HUNK: variants seen among roughly 807,000 people sequenced by gnomAD.
HUNK encodes the protein hormonally up-regulated neu tumor-associated kinase.
In HUNK, 21 loss-of-function variants were observed where a neutral mutation model predicts 61.0. That is an observed-to-expected ratio of 0.34 (90% CI 0.24 to 0.50). The LOEUF (loss-of-function observed/expected upper bound fraction) is 0.50, where lower values mean the gene tolerates loss of function less well. Among genes scored for constraint, HUNK ranks in the 20% least tolerant of loss-of-function variants. The pLI is 0.98. For missense variants in HUNK, 772 were observed against 945.7 expected (o/e 0.82, Z 2.41); for synonymous variants, 371 against 386.1 (o/e 0.96, Z 0.46).
chr21:31,908,250 C>A (rs867953093), intron 1 of HUNK, among the ~76,000 whole-genome samples: 1 of 151,568 alleles, frequency 6.6e-6, no homozygotes, highest in Non-Finnish European at 1.5e-5. Flanking sequence ...GGAGTGGGGG[C>A]GTGCTGGCAG....
chr21:31,907,294 A>G (rs1568922039), intron 1 of HUNK, among the ~76,000 whole-genome samples: 1 of 152,238 alleles, frequency 6.6e-6, no homozygotes, highest in Non-Finnish European at 1.5e-5. Context: ...TCTCCTTAAG[A>G]ATTTCAAAAT....
At chr21:31,888,597 G>A (rs775707678) in intron 1 of HUNK, among the ~76,000 whole-genome samples, 1 of 152,046 alleles carries the variant, frequency 6.6e-6, no homozygotes, top group African/African-American at 2.4e-5. Flanking sequence ...TTAGCCAGGC[G>A]TGCATGGTGG....
intron 7 of HUNK, among the ~76,000 whole-genome samples, chr21:31,977,585 A>G (rs749449308): frequency 2.1e-4 from 32 of 152,220 alleles, no homozygotes; most frequent in Non-Finnish European, 4.0e-4. Flanking sequence ...TTACTTCCAC[A>G]TTTAGAGATA....
At chr21:31,923,519 G>GGAGGA (rs2052637208) in intron 1 of HUNK, among the ~76,000 whole-genome samples, 2 of 129,226 alleles carry the variant, frequency 1.5e-5, no homozygotes, top group African/African-American at 5.4e-5. Flanking sequence ...GAGAGGGAAG[G>GGAGGA]AGGGAGGAAG....
At chr21:31,892,404 A>G (rs59951436) in intron 1 of HUNK, among the ~76,000 whole-genome samples, 3,569 of 151,338 alleles carry the variant, frequency 0.024, 134 homozygotes, top group African/African-American at 0.082. Context: ...CTGCCTCTAT[A>G]AGAAAATACC....
rs560680007 is a variant in HUNK at position 32,002,313 on chromosome 21, T to C, written c.*3129T>C. 19 of 152,414 alleles carry C rather than the reference T, an allele frequency of 1.2e-4. No individual in the cohort carries two copies. The East Asian group carries it at 1.7e-3, about 14-fold the overall frequency. The allele number at this position is 152,414 out of a possible 1,614,324, so 9.4% of individuals were successfully genotyped here. On this transcript the variant is annotated 3_prime_UTR_variant, in exon 11 of 11. Transcript: ENST00000270112. ...CATGTTGCTCAGGCTGATCTCAAACTCCTGGGCTCCAACGATCTGCCCACC... is the reference window on the plus strand; with the variant it reads ...CATGTTGCTCAGGCTGATCTCAAACCCCTGGGCTCCAACGATCTGCCCACC...
intron 1 of HUNK, among the ~76,000 whole-genome samples, chr21:31,892,915 G>A (rs1035061082): frequency 1.3e-5 from 2 of 151,978 alleles, no homozygotes; most frequent in Admixed American, 6.6e-5. Flanking sequence ...TTCCTTGGGC[G>A]CATCCTGCCA....
intron 1 of HUNK, among the ~76,000 whole-genome samples, chr21:31,911,132 G>T (rs1244627704): frequency 6.6e-6 from 1 of 152,202 alleles, no homozygotes; most frequent in Non-Finnish European, 1.5e-5. Flanking sequence ...CCAACTGCAC[G>T]TGGATTCATT....
rs2053235088 is a variant in HUNK, at chr21:31,999,928, TTGGA to T, written c.*749_*752del. On this transcript the variant is annotated 3_prime_UTR_variant, in exon 11 of 11. Coordinates refer to ENST00000270112, the MANE Select transcript of HUNK (RefSeq NM_014586.2). ...TTGAAATAACATAATTTTTTAAAACTTGGATGGAGAGATGAGAAGCAATTCCACC... is the reference window on the plus strand; with the variant it reads ...TTGAAATAACATAATTTTTTAAAACTTGGAGAGATGAGAAGCAATTCCACC... 2.6e-6 allele frequency: 1 copy of T among 386,596 alleles called. No homozygotes were observed. The highest frequency in any genetic ancestry group is 4.5e-5 in the Admixed American group (1 of 22,306). 23.9% of individuals were successfully genotyped at this position (386,596 alleles called of 1,614,324 possible). A position where few individuals can be genotyped will look rare whatever the true frequency, so the allele number is the denominator to read the frequency against.
chr21:31,895,398 T>C (rs1401823611), intron 1 of HUNK, among the ~76,000 whole-genome samples: 1 of 152,212 alleles, frequency 6.6e-6, no homozygotes, highest in African/African-American at 2.4e-5. Flanking sequence ...TGATTACTTA[T>C]CAGCCCGGTT....
intron 9 of HUNK, among the ~76,000 whole-genome samples, chr21:31,990,451 T>C: frequency 6.6e-6 from 1 of 152,028 alleles, no homozygotes; most frequent in Non-Finnish European, 1.5e-5. Context: ...GTTGACTGAT[T>C]GGATGAGACC....
intron 3 of HUNK, among the ~76,000 whole-genome samples, chr21:31,942,353 G>C (rs182730633): frequency 3.9e-5 from 6 of 152,194 alleles, no homozygotes; most frequent in African/African-American, 7.2e-5. Context: ...CTCCTTAAGT[G>C]GTAGCCCTAG....
intron 1 of HUNK, among the ~76,000 whole-genome samples, chr21:31,917,024 TGTAGCTGCTGC>T (rs1304749237): frequency 6.6e-6 from 1 of 152,172 alleles, no homozygotes. Context: ...TCGTTATCTC[TGTAGCTGCTGC>T]TAGTGATTTT....
At chr21:31,969,251 A>G (rs1030542354) in intron 6 of HUNK, among the ~76,000 whole-genome samples, 1 of 152,128 alleles carries the variant, frequency 6.6e-6, no homozygotes, top group Non-Finnish European at 1.5e-5. Context: ...AAACAGAAAC[A>G]TGGGATCGCC....
intron 10 of HUNK, 33 bp from the exon 11 acceptor site, chr21:31,998,493 C>T: frequency 6.5e-7 from 1 of 1,540,854 alleles, no homozygotes; most frequent in Non-Finnish European, 8.7e-7. Flanking sequence ...GTCCGGACGT[C>T]CTCATGATTG....
intron 7 of HUNK, among the ~76,000 whole-genome samples, chr21:31,982,914 C>G (rs748959486): frequency 2.6e-5 from 4 of 152,204 alleles, no homozygotes; most frequent in Non-Finnish European, 5.9e-5. Context: ...AGTGATTCTC[C>G]TTCCTCAGCC....
intron 1 of HUNK, among the ~76,000 whole-genome samples, chr21:31,913,678 T>C (rs1010582483): frequency 1.3e-5 from 2 of 151,660 alleles, no homozygotes; most frequent in African/African-American, 2.4e-5. Context: ...GGACAGGCAT[T>C]GGCACTCATG....
rs367852433 is a variant in HUNK at position 31,924,286 on chromosome 21, T to TGTGTGTG, written c.262-182_262-181insGTGTGTG. 1.5e-3 allele frequency among the ~76,000 whole-genome samples: 203 copies of TGTGTGTG among 138,368 alleles called. 2 individuals are homozygous for TGTGTGTG. Among genetic ancestry groups the TGTGTGTG allele is most frequent in the African/African-American group, 3.8e-3 (141 of 37,240 alleles). 90.8% of individuals were successfully genotyped at this position (138,368 alleles called of 152,430 possible). On this transcript the variant is annotated intron_variant, in intron 1 of 10. Transcript: ENST00000270112. This position sits in a 1 kb window ranked among gnomAD's most constrained non-coding sequence, Gnocchi z 5.1. ...CCTATATGTGTGTGTGTGTGTGTGT[T>TGTGTGTG]TGTGTGGTATATGCATAAATATAAA...
intron 5 of HUNK, among the ~76,000 whole-genome samples, chr21:31,965,901 A>G (rs1216520811): frequency 6.6e-6 from 1 of 151,968 alleles, no homozygotes; most frequent in East Asian, 1.9e-4. Flanking sequence ...TGCTCCTGGC[A>G]ATATTTCCTT....
Sources: allele counts gnomAD v4.1 joint callset (sites outside exome capture counted in the v4.1 genomes callset), GRCh38; gene constraint gnomAD v4.1.1; non-coding constraint Gnocchi (gnomAD v3.1); transcripts MANE v1.5; gene names NCBI Gene and HGNC (gene_info 2026-07-23, HGNC 2026-07-21).